The following PCDHA3 variants were observed in gnomAD, a reference collection of about 807,000 sequenced individuals.
PCDHA3 encodes protocadherin alpha-3.
In PCDHA3, 41 loss-of-function variants were observed where a neutral mutation model predicts 62.2. The observed-to-expected ratio is 0.66, with a 90% CI of 0.51 to 0.86. The LOEUF (loss-of-function observed/expected upper bound fraction) is 0.86. Ranked by LOEUF, PCDHA3 falls within the 40% of genes least tolerant of loss-of-function variation. The pLI is 0.00. For missense variants in PCDHA3, 1,304 were observed against 1,241.2 expected, an observed-to-expected ratio of 1.05 and a Z score of -0.76; for synonymous variants, 640 against 555.4, an observed-to-expected ratio of 1.15 and a Z score of -2.14.
intron 1 of PCDHA3, among the ~76,000 whole-genome samples, chr5:140,831,935 G>C (rs1470803864): frequency 6.6e-6 from 1 of 152,098 alleles, no homozygotes; most frequent in Admixed American, 6.6e-5. Flanking sequence ...CTAGTTTTCC[G>C]AAGAGGAAAA....
intron 3 of PCDHA3, among the ~76,000 whole-genome samples, chr5:141,000,558 G>C (rs1462892656): frequency 6.7e-6 from 1 of 149,136 alleles, no homozygotes; most frequent in African/African-American, 2.5e-5. Context: ...CTCCCGAGTA[G>C]CTGGGATTAC....
chr5:140,933,130 AAGGTAGAT>A (rs1554209200), intron 1 of PCDHA3, among the ~76,000 whole-genome samples: 1 of 151,994 alleles, frequency 6.6e-6, no homozygotes, highest in East Asian at 1.9e-4. Context: ...CTAAATAATA[AAGGTAGAT>A]AGCCACTCAT....
chr5:140,967,684 G>A (rs1404001288), intron 1 of PCDHA3: 2 of 1,614,074 alleles, frequency 1.2e-6, no homozygotes, highest in Non-Finnish European at 8.5e-7. Context: ...GGGAGAGGCA[G>A]CTCTTCAGCA....
chr5:140,831,224 A>C (rs2150192658), intron 1 of PCDHA3: 1 of 152,206 alleles, frequency 6.6e-6, no homozygotes. Flanking sequence ...TGAAAACTGC[A>C]TTCCTCTGGC....
chr5:140,965,216 A>G (rs2095880887), intron 1 of PCDHA3, among the ~76,000 whole-genome samples: 1 of 152,224 alleles, frequency 6.6e-6, no homozygotes, highest in Non-Finnish European at 1.5e-5. Context: ...TTCCTGTGGA[A>G]GAAATGTGAG....
chr5:140,855,629 G>A (rs914411692), intron 1 of PCDHA3, among the ~76,000 whole-genome samples: 2 of 149,486 alleles, frequency 1.3e-5, no homozygotes, highest in Non-Finnish European at 3.0e-5. Flanking sequence ...TTTGAAATTC[G>A]GCTATTGATA....
intron 1 of PCDHA3, chr5:140,853,038 C>T (rs2150527746): frequency 3.8e-6 from 1 of 265,006 alleles, no homozygotes; most frequent in African/African-American, 2.3e-5. Flanking sequence ...GCCACCATGC[C>T]CGCCTAATTT....
chr5:140,909,550 A>C (rs549281873), intron 1 of PCDHA3, among the ~76,000 whole-genome samples: 2 of 152,232 alleles, frequency 1.3e-5, no homozygotes, highest in East Asian at 3.9e-4. Context: ...GGTGGCACTA[A>C]TCTCTGCAAC....
Position 141,009,697 on chromosome 5 carries a change from C to T in PCDHA3, c.2613C>T (p.Tyr871=), listed in dbSNP as rs1554262284. ...ACAGCAACAGCTGGACCTTTAAATA[C>T]GGACCAGGCAACCCCAAACAATCCG... ...GVNSNSWTFK[Y]GPGNPKQSGP... The change falls in exon 4 of 4, where the codon TAC becomes TAT. Residue 871 remains tyrosine (Y), a synonymous_variant. Coordinates refer to ENST00000522353, the MANE Select transcript of PCDHA3 (RefSeq NM_018906.3). 1.1e-5 allele frequency: 17 copies of T among 1,613,952 alleles called. No individual in the cohort carries two copies. The highest frequency in any genetic ancestry group is 1.1e-5 in the South Asian group (1 of 91,066).
intron 1 of PCDHA3, among the ~76,000 whole-genome samples, chr5:140,923,395 G>A (rs782033907): frequency 6.6e-6 from 1 of 152,240 alleles, no homozygotes; most frequent in South Asian, 2.1e-4. Flanking sequence ...GGGCATGGTG[G>A]TGTGTGCCTA....
intron 1 of PCDHA3, chr5:140,858,108 C>A (rs781859966): frequency 3.1e-6 from 5 of 1,597,590 alleles, no homozygotes; most frequent in Non-Finnish European, 4.3e-6. Context: ...GGCGTGGCGC[C>A]CGAGGTGGCC....
chr5:141,003,452 C>G (rs1554259072), intron 3 of PCDHA3, among the ~76,000 whole-genome samples: 1 of 152,112 alleles, frequency 6.6e-6, no homozygotes, highest in Non-Finnish European at 1.5e-5. Flanking sequence ...GATGAAATTA[C>G]AGGCGTGCAC....
Position 140,985,833 on chromosome 5 carries a change from G to A in PCDHA3, c.2542+3270G>A, listed in dbSNP as rs1458914557. Among the ~76,000 whole-genome samples the A allele has an allele frequency of 2.8e-5, 4 of 143,674 alleles. No homozygotes were observed. In the East Asian group the frequency reaches 6.5e-4, roughly 23 times the overall value. The allele number at this position is 143,674 out of a possible 152,430, so 94.3% of individuals were successfully genotyped here. A position where few individuals can be genotyped will look rare whatever the true frequency, so the allele number is the denominator to read the frequency against. ...CAGCTCACAACAAGCTCTGCCTCCC[G>A]GGTTCATGCCACTCTCCTGCCTCAG... On this transcript the variant is annotated intron_variant, in intron 3 of 3. Coordinates refer to ENST00000522353, the MANE Select transcript of PCDHA3 (RefSeq NM_018906.3).
rs1250618289 is a variant in PCDHA3, at chr5:140,801,842, T to A, written c.645T>A (p.Ile215=). ...TPKHYLLITA[I]DGGKPELTGT... is the part of the protein sequence containing the mutation. ...AGCATTATTTACTAATAACAGCAAT[T>A]GATGGTGGGAAACCAGAGCTCACTG... The change falls in exon 1 of 4, where the codon ATT becomes ATA. Residue 215 remains isoleucine, a synonymous_variant. Coordinates refer to ENST00000522353, the MANE Select transcript of PCDHA3 (RefSeq NM_018906.3). The A allele has an allele frequency of 2.7e-5, 44 of 1,614,054 alleles. No homozygotes were observed. The highest frequency in any genetic ancestry group is 3.7e-5 in the Non-Finnish European group (44 of 1,180,014).
intron 1 of PCDHA3, among the ~76,000 whole-genome samples, chr5:140,973,341 C>T (rs1323571061): frequency 6.6e-6 from 1 of 152,124 alleles, no homozygotes; most frequent in African/African-American, 2.4e-5. Flanking sequence ...TGTAAAGTGA[C>T]ATAGTAGTGA....
At chr5:140,914,140 T>C (rs1006570934) in intron 1 of PCDHA3, among the ~76,000 whole-genome samples, 2 of 152,230 alleles carry the variant, frequency 1.3e-5, no homozygotes, top group African/African-American at 4.8e-5. Flanking sequence ...AGTTTTTGTC[T>C]GTCAGTTCTG....
chr5:140,884,352 A>C, intron 1 of PCDHA3: 1 of 1,613,828 alleles, frequency 6.2e-7, no homozygotes, highest in African/African-American at 1.3e-5. Context: ...GCGCTGGTGG[A>C]TGTCAATGTT....
intron 1 of PCDHA3, chr5:140,967,992 C>T: frequency 1.2e-6 from 2 of 1,614,250 alleles, no homozygotes; most frequent in Non-Finnish European, 1.7e-6. Flanking sequence ...GCCACACTGC[C>T]TTTCCGACTG....
intron 1 of PCDHA3, chr5:140,969,442 T>G (rs1554231813): frequency 1.6e-5 from 25 of 1,543,830 alleles, no homozygotes; most frequent in Non-Finnish European, 2.2e-5. Flanking sequence ...AGTTATCTGG[T>G]AAACTGAGTA....
Sources: gnomAD v4.1 joint callset for allele counts (sites outside exome capture counted in the v4.1 genomes callset) on GRCh38, gnomAD v4.1.1 for gene constraint, MANE v1.5 for transcripts, NCBI Gene and HGNC (gene_info 2026-07-23, HGNC 2026-07-21) for gene names.